Variants in SSBP2 observed in about 807,000 individuals in gnomAD.
SSBP2 encodes single stranded DNA binding protein 2.
SSBP2 carries 17 observed loss-of-function variants against 61.8 expected under a neutral mutation model. The ratio of observed to expected loss-of-function variants is 0.28; its 90% CI spans 0.19 to 0.41. The LOEUF is 0.41. Ranked by LOEUF, SSBP2 falls within the 10% of genes least tolerant of loss-of-function variation. SSBP2 has a pLI of 1.00. For missense variants in SSBP2, 310 were observed against 458.7 expected (o/e 0.68, Z 2.96); for synonymous variants, 139 against 141.3 (o/e 0.98, Z 0.12).
chr5:81,485,575 TTAGA>T (rs1455224911), intron 6 of SSBP2, among the ~76,000 whole-genome samples: 3 of 152,226 alleles, frequency 2.0e-5, no homozygotes, highest in Non-Finnish European at 4.4e-5. Context: ...TTCTATTTCC[TTAGA>T]TACAAACTCT....
chr5:81,416,552 C>T lies in SSBP2; in HGVS notation c.*3952G>A, dbSNP rs1490376290. ...TATTAAGGACGGTGGAAAACTTCCC[C>T]AGCCAAAGGAGCAGTTCTGAATGCT... On this transcript the variant is annotated 3_prime_UTR_variant, in exon 17 of 17. Transcript: ENST00000320672. 2 of 152,178 alleles carry T rather than the reference C, an allele frequency of 1.3e-5. No homozygotes were observed. The highest frequency in any genetic ancestry group is 2.9e-5 in the Non-Finnish European group (2 of 68,048). 9.4% of individuals were successfully genotyped at this position (152,178 alleles called of 1,614,324 possible).
rs1244311405 is a variant in SSBP2 at position 81,414,338 on chromosome 5, T to A, written c.*6166A>T. The stretch of plus-strand genomic sequence containing the variant: ...ACATTAAAATATCTTACAGAAATCA[T>A]TATTCTTCTATTCAAGAAAACCAAT... On this transcript the variant is annotated 3_prime_UTR_variant, in exon 17 of 17. Transcript: ENST00000320672. 6.6e-6 allele frequency: 1 copy of A among 152,148 alleles called. No homozygotes were observed. The highest frequency in any genetic ancestry group is 1.5e-5 in the Non-Finnish European group (1 of 68,010). 9.4% of individuals were successfully genotyped at this position (152,148 alleles called of 1,614,324 possible). A position where few individuals can be genotyped will look rare whatever the true frequency, so the allele number is the denominator to read the frequency against.
At chr5:81,728,274 T>C (rs563162345) in intron 1 of SSBP2, among the ~76,000 whole-genome samples, 6 of 152,332 alleles carry the variant, frequency 3.9e-5, no homozygotes, top group African/African-American at 1.4e-4. Context: ...GACTTAGCAC[T>C]TCCATTTCAA....
intron 4 of SSBP2, among the ~76,000 whole-genome samples, chr5:81,521,727 C>T (rs1406882798): frequency 6.6e-6 from 1 of 151,896 alleles, no homozygotes; most frequent in Admixed American, 6.6e-5. Flanking sequence ...GTGAACCTTT[C>T]CAATGTTCGT....
intron 1 of SSBP2, among the ~76,000 whole-genome samples, chr5:81,661,731 A>G (rs1199008523): frequency 1.3e-5 from 2 of 152,040 alleles, no homozygotes. Context: ...ATTCCTTTAC[A>G]TATTTTTGAT....
chr5:81,690,912 G>C (rs890238364), intron 1 of SSBP2, among the ~76,000 whole-genome samples: 1 of 152,056 alleles, frequency 6.6e-6, no homozygotes, highest in Non-Finnish European at 1.5e-5. Flanking sequence ...GGTAACAAGA[G>C]GAGTTCTGGG....
intron 6 of SSBP2, among the ~76,000 whole-genome samples, chr5:81,480,458 T>G (rs1765902622): frequency 6.6e-6 from 1 of 152,238 alleles, no homozygotes; most frequent in African/African-American, 2.4e-5. Flanking sequence ...AATATTTTGT[T>G]GGTAAAAAAT....
At position 81,420,431 on chromosome 5, in the gene SSBP2, A is replaced by G. The variant is rs1284479734; in HGVS notation, c.*73T>C. The G allele has an allele frequency of 1.4e-6, 2 of 1,408,316 alleles. No individual in the cohort carries two copies. The highest frequency in any genetic ancestry group is 2.0e-6 in the Non-Finnish European group (2 of 993,416). The allele number at this position is 1,408,316 out of a possible 1,614,324, so 87.2% of individuals were successfully genotyped here. A position where few individuals can be genotyped will look rare whatever the true frequency, so the allele number is the denominator to read the frequency against. On this transcript the variant is annotated 3_prime_UTR_variant, in exon 17 of 17. Transcript: ENST00000320672. ...CTTTGTTTAACTGTACACTGTGATG[A>G]ATAATTTTCTTCCGTAGTAGTTCTG...
intron 5 of SSBP2, among the ~76,000 whole-genome samples, chr5:81,493,283 TA>T (rs1767014892): frequency 6.6e-6 from 1 of 151,614 alleles, no homozygotes; most frequent in East Asian, 1.9e-4. Flanking sequence ...GATAGATAGA[TA>T]GATAGATAGA....
At chr5:81,521,273 T>G (rs912992017) in intron 4 of SSBP2, among the ~76,000 whole-genome samples, 5 of 152,038 alleles carry the variant, frequency 3.3e-5, no homozygotes, top group Non-Finnish European at 7.4e-5. Flanking sequence ...AAACATCTGG[T>G]GTTTTAGGCA....
chr5:81,738,251 G>C (rs1036224339), intron 1 of SSBP2, among the ~76,000 whole-genome samples: 4 of 152,128 alleles, frequency 2.6e-5, no homozygotes, highest in Admixed American at 1.3e-4. Flanking sequence ...TTCAGTTTGC[G>C]AAAACTCATC....
At chr5:81,623,163 T>G (rs1018409018) in intron 3 of SSBP2, among the ~76,000 whole-genome samples, 1 of 152,296 alleles carries the variant, frequency 6.6e-6, no homozygotes, top group East Asian at 1.9e-4. Flanking sequence ...AGTTTTGTAA[T>G]GTAGTCTTTA....
intron 12 of SSBP2, among the ~76,000 whole-genome samples, chr5:81,445,180 A>ATATATATATG (rs1227929088): frequency 8.3e-6 from 1 of 119,802 alleles, no homozygotes; most frequent in Non-Finnish European, 1.7e-5. Context: ...ATATATATGT[A>ATATATATATG]TGTATTTACT....
chr5:81,582,396 TCTC>T (rs1259421879), intron 4 of SSBP2, among the ~76,000 whole-genome samples: 1 of 152,132 alleles, frequency 6.6e-6, no homozygotes, highest in Non-Finnish European at 1.5e-5. Flanking sequence ...AAGCATTCAT[TCTC>T]CTGAAAACAG....
chr5:81,590,264 C>G (rs1004345133), intron 4 of SSBP2, among the ~76,000 whole-genome samples: 3 of 151,824 alleles, frequency 2.0e-5, no homozygotes, highest in Admixed American at 2.0e-4. Context: ...AAATGTGAAC[C>G]AAGTAAGTAA....
chr5:81,747,005 C>A, intron 1 of SSBP2, among the ~76,000 whole-genome samples: 1 of 117,034 alleles, frequency 8.5e-6, no homozygotes, highest in South Asian at 2.8e-4. Flanking sequence ...TTAAAACAAG[C>A]AATCAAACAA....
chr5:81,742,197 A>T (rs777191698), intron 1 of SSBP2, among the ~76,000 whole-genome samples: 4 of 152,238 alleles, frequency 2.6e-5, no homozygotes, highest in Non-Finnish European at 5.9e-5. Context: ...AATTTCATTT[A>T]TATTAAATTT....
intron 3 of SSBP2, among the ~76,000 whole-genome samples, chr5:81,620,773 C>G (rs1372987864): frequency 5.2e-5 from 1 of 19,212 alleles, no homozygotes; most frequent in Non-Finnish European, 1.0e-4. Flanking sequence ...ATCAATGGAA[C>G]AGAACAGAGC....
chr5:81,570,199 T>C (rs2153442528), intron 4 of SSBP2, among the ~76,000 whole-genome samples: 1 of 152,288 alleles, frequency 6.6e-6, no homozygotes, highest in East Asian at 1.9e-4. Flanking sequence ...TAACAAATAA[T>C]ATACCTACAC....
Sources: allele counts gnomAD v4.1 joint callset (sites outside exome capture counted in the v4.1 genomes callset), GRCh38; gene constraint gnomAD v4.1.1; transcripts MANE v1.5; gene names NCBI Gene and HGNC (gene_info 2026-07-23, HGNC 2026-07-21).